Variants in ADCYAP1R1 observed in about 807,000 individuals in gnomAD.
ADCYAP1R1 encodes pituitary adenylate cyclase-activating polypeptide type I receptor.
A neutral mutation model predicts 67.6 loss-of-function variants in ADCYAP1R1; 44 were observed. That is an observed-to-expected ratio of 0.65 (90% CI 0.51 to 0.84). ADCYAP1R1 has a LOEUF of 0.84. Among genes scored for constraint, ADCYAP1R1 ranks in the 40% least tolerant of loss-of-function variants. ADCYAP1R1 has a pLI of 0.00. For synonymous variants in ADCYAP1R1, 222 were observed against 219.6 expected (o/e 1.01, Z -0.10); for missense variants, 477 against 587.9 (o/e 0.81, Z 1.95).
intron 3 of ADCYAP1R1, among the ~76,000 whole-genome samples, chr7:31,073,220 C>T (rs1795064218): frequency 6.6e-6 from 1 of 152,196 alleles, no homozygotes; most frequent in South Asian, 2.1e-4. Context: ...AAATTATTAA[C>T]ACAACCCACT....
chr7:31,055,435 C>T (rs755794526), intron 1 of ADCYAP1R1, among the ~76,000 whole-genome samples: 10 of 152,224 alleles, frequency 6.6e-5, no homozygotes, highest in East Asian at 1.9e-4. Context: ...AATTATTTTA[C>T]GCTTGTGTCC....
intron 1 of ADCYAP1R1, among the ~76,000 whole-genome samples, chr7:31,061,157 C>T (rs1027887348): frequency 1.3e-5 from 2 of 152,236 alleles, no homozygotes; most frequent in African/African-American, 4.8e-5. Flanking sequence ...CCTTTTTGGC[C>T]TGAGGTCGCG....
At chr7:31,072,437 C>T (rs1283424496) in intron 3 of ADCYAP1R1, among the ~76,000 whole-genome samples, 1 of 152,188 alleles carries the variant, frequency 6.6e-6, no homozygotes, top group Non-Finnish European at 1.5e-5. Context: ...CCGTCTTTTG[C>T]AGACTTGCCA....
intron 13 of ADCYAP1R1, chr7:31,095,866 G>A (rs1221457690): frequency 3.1e-6 from 2 of 636,130 alleles, no homozygotes; most frequent in East Asian, 5.5e-5. Flanking sequence ...CGGGGGGACG[G>A]TGGCACTGAG....
At chr7:31,096,226 A>G (rs1308309693) in intron 13 of ADCYAP1R1, among the ~76,000 whole-genome samples, 1 of 152,138 alleles carries the variant, frequency 6.6e-6, no homozygotes, top group East Asian at 1.9e-4. Flanking sequence ...AAGCACTGGA[A>G]GCTGCAGCTT....
At chr7:31,097,188 G>C (rs951711893) in intron 13 of ADCYAP1R1, among the ~76,000 whole-genome samples, 1 of 152,234 alleles carries the variant, frequency 6.6e-6, no homozygotes, top group African/African-American at 2.4e-5. Flanking sequence ...CTGCACCTGT[G>C]ATAGGGTCTC....
intron 4 of ADCYAP1R1, 28 bp downstream of exon 4, chr7:31,078,126 A>G: frequency 6.4e-7 from 1 of 1,572,528 alleles, no homozygotes; most frequent in Middle Eastern, 1.7e-4. Flanking sequence ...TCTTTAGGCC[A>G]CGCTGGCCTA....
intron 1 of ADCYAP1R1, 39 bp from the exon 2 acceptor site, chr7:31,063,155 A>G (rs989606679): frequency 1.5e-6 from 2 of 1,370,316 alleles, no homozygotes; most frequent in African/African-American, 1.4e-5. Context: ...CGGCCACTGC[A>G]CTGGGCTCAC....
At position 31,079,002 on chromosome 7, in the gene ADCYAP1R1, T is replaced by C. The variant is rs117237512; in HGVS notation, c.265+904T>C. Reference sequence around the variant, plus strand: ...AGATATCCAGGGGCCACCAAAACGATAGAGCAGCCCGTGAGTGGGCAGAGT... The same window carrying C: ...AGATATCCAGGGGCCACCAAAACGACAGAGCAGCCCGTGAGTGGGCAGAGT... On this transcript the variant is annotated intron_variant, in intron 4 of 15. Transcript: ENST00000304166. Among the ~76,000 whole-genome samples, 1,028 of 152,226 alleles carry C rather than the reference T, an allele frequency of 6.8e-3. 16 individuals are homozygous for C. Among genetic ancestry groups the C allele is most frequent in the East Asian group, 0.018 (95 of 5,176 alleles).
At chr7:31,104,398 T>C (rs1796555513) in intron 14 of ADCYAP1R1, among the ~76,000 whole-genome samples, 1 of 152,118 alleles carries the variant, frequency 6.6e-6, no homozygotes. Context: ...TCGCTCTGCG[T>C]GGTGTTCTGC....
chr7:31,073,579 A>G (rs768737701), intron 3 of ADCYAP1R1, among the ~76,000 whole-genome samples: 71 of 152,316 alleles, frequency 4.7e-4, no homozygotes, highest in Non-Finnish European at 8.5e-4. Context: ...CCCAAGCTCC[A>G]GGGAAAGGGG....
intron 6 of ADCYAP1R1, 91 bp downstream of exon 6, chr7:31,081,845 C>T: frequency 1.0e-6 from 1 of 994,514 alleles, no homozygotes; most frequent in Non-Finnish European, 1.5e-6. Flanking sequence ...CCAGGCTGGG[C>T]TCTGCTCCTC....
intron 1 of ADCYAP1R1, among the ~76,000 whole-genome samples, chr7:31,054,535 A>C (rs571064955): frequency 1.1e-4 from 16 of 152,198 alleles, no homozygotes; most frequent in Non-Finnish European, 1.9e-4. Context: ...AAATAAATAC[A>C]CACATGGGAG....
intron 3 of ADCYAP1R1, among the ~76,000 whole-genome samples, chr7:31,072,183 A>G (rs537474760): frequency 2.6e-5 from 4 of 152,292 alleles, no homozygotes; most frequent in Admixed American, 2.0e-4. Context: ...GCGTGCATGT[A>G]TCATAGGCCA....
In ADCYAP1R1 at chr7:31,064,819, G is replaced by A. The variant is rs753152956; in HGVS notation, c.52-12G>A. ...TACCCGCTCCCACCATCCATCCTGT[G>A]TTCTCCTACAGGCCCCTGCCATGCA... On this transcript the variant is annotated splice_polypyrimidine_tract_variant and intron_variant, in intron 2 of 15. Coordinates refer to ENST00000304166, the MANE Select transcript of ADCYAP1R1 (RefSeq NM_001118.5). 6.2e-7 allele frequency: 1 copy of A among 1,601,928 alleles called. No individual in the cohort carries two copies. The highest frequency in any genetic ancestry group is 8.5e-7 in the Non-Finnish European group (1 of 1,172,802).
At chr7:31,090,455 C>T (rs1795920096) in intron 12 of ADCYAP1R1, among the ~76,000 whole-genome samples, 1 of 151,996 alleles carries the variant, frequency 6.6e-6, no homozygotes, top group Non-Finnish European at 1.5e-5. Context: ...AATACATGTG[C>T]AGGTTTGTTA....
chr7:31,063,599 C>T (rs1233999851), intron 2 of ADCYAP1R1, among the ~76,000 whole-genome samples: 1 of 152,172 alleles, frequency 6.6e-6, no homozygotes, highest in African/African-American at 2.4e-5. Flanking sequence ...ATGCAGGAGC[C>T]CTGGTCAGGG....
chr7:31,106,173 T>C lies in ADCYAP1R1; in HGVS notation c.1219-323T>C, dbSNP rs139548410. Reference sequence around the variant, plus strand: ...GGATCCTTTCCTGATCCACCTGCCCTGTGGGACTGCTTGTTAAAGATTTCC... The same window carrying C: ...GGATCCTTTCCTGATCCACCTGCCCCGTGGGACTGCTTGTTAAAGATTTCC... On this transcript the variant is annotated intron_variant, in intron 15 of 15. Coordinates refer to ENST00000304166, the MANE Select transcript of ADCYAP1R1 (RefSeq NM_001118.5). 7.2e-5 allele frequency among the ~76,000 whole-genome samples: 11 copies of C among 152,356 alleles called. 1 individual carries two copies. Among genetic ancestry groups the C allele is most frequent in the African/African-American group, 2.6e-4 (11 of 41,582 alleles).
chr7:31,086,986 C>A lies in ADCYAP1R1; in HGVS notation c.867C>A (p.Leu289=). ...TGACAGTGTGGGCTACGCTGAGACT[C>A]TACTTTGATGACACAGGGTTAGTAC... The part of the protein sequence containing the change: ...VCVTVWATLR[L]YFDDTGCWDM... The change falls in exon 11 of 16, where the codon CTC becomes CTA. Residue 289 remains leucine, a synonymous_variant. Transcript: ENST00000304166. This position sits in a 1 kb window ranked among gnomAD's most constrained non-coding sequence, Gnocchi z 5.0. 1 of 1,614,230 alleles carries A rather than the reference C, an allele frequency of 6.2e-7. No homozygotes were observed. The highest frequency in any genetic ancestry group is 8.5e-7 in the Non-Finnish European group (1 of 1,180,042).
Sources: allele counts gnomAD v4.1 joint callset (sites outside exome capture counted in the v4.1 genomes callset), GRCh38; gene constraint gnomAD v4.1.1; non-coding constraint Gnocchi (gnomAD v3.1); transcripts MANE v1.5; gene names NCBI Gene and HGNC (gene_info 2026-07-23, HGNC 2026-07-21).